The following SLC6A17 variants were observed in gnomAD, a reference collection of about 807,000 sequenced individuals.
SLC6A17 encodes the protein solute carrier family 6 member 17.
A neutral mutation model predicts 64.5 loss-of-function variants in SLC6A17; 21 were observed. That is an observed-to-expected ratio of 0.33 (90% CI 0.23 to 0.47). The LOEUF is 0.47. Ranked by LOEUF, SLC6A17 falls within the 20% of genes least tolerant of loss-of-function variation. The probability of loss-of-function intolerance (pLI) is 1.00; values close to 1 mark genes in which losing one functional copy is unlikely to be tolerated. For synonymous variants in SLC6A17, 372 were observed against 399.5 expected, an observed-to-expected ratio of 0.93 and a Z score of 0.82; for missense variants, 682 against 963.2, an observed-to-expected ratio of 0.71 and a Z score of 3.86.
At chr1:110,198,011 G>T (rs1657015896) in intron 11 of SLC6A17, 65 bp from the exon 12 acceptor site, 1 of 1,549,664 alleles carries the variant, frequency 6.5e-7, no homozygotes, top group Admixed American at 1.8e-5. Context: ...GAGCAGTCTT[G>T]GAGGGCCTGG....
At chr1:110,190,703 A>T (rs1184477043) in intron 6 of SLC6A17, among the ~76,000 whole-genome samples, 1 of 152,150 alleles carries the variant, frequency 6.6e-6, no homozygotes, top group East Asian at 1.9e-4. Flanking sequence ...GAACTCTCTG[A>T]ATTGGCTCCT....
chr1:110,174,980 C>A lies in SLC6A17; in HGVS notation c.753+20C>A. 6.2e-7 allele frequency: 1 copy of A among 1,605,810 alleles called. No individual in the cohort carries two copies. Among genetic ancestry groups the A allele is most frequent in the Non-Finnish European group, 8.5e-7 (1 of 1,174,750 alleles). ...GGGAAGGTGAGTGCTGAGGGGGGCACCCAGGACCCAAATGGGGAACAGCAG... is the reference window on the plus strand; with the variant it reads ...GGGAAGGTGAGTGCTGAGGGGGGCAACCAGGACCCAAATGGGGAACAGCAG... On this transcript the variant is annotated intron_variant, in intron 5 of 11. Coordinates refer to ENST00000331565, the MANE Select transcript of SLC6A17 (RefSeq NM_001010898.4).
chr1:110,155,536 A>G (rs2361041), intron 1 of SLC6A17, among the ~76,000 whole-genome samples: 52,256 of 152,080 alleles, frequency 0.34, 11,013 homozygotes, highest in Non-Finnish European at 0.47. Flanking sequence ...TGTCCAGTCT[A>G]TGTCCTCTTG....
At position 110,201,221 on chromosome 1, in the gene SLC6A17, AG is replaced by A. The variant is rs890932364; in HGVS notation, c.*2780del. 3.3e-5 allele frequency: 5 copies of A among 152,270 alleles called. No homozygotes were observed. The highest frequency in any genetic ancestry group is 1.2e-4 in the African/African-American group (5 of 41,546). 9.4% of individuals were successfully genotyped at this position (152,270 alleles called of 1,614,324 possible). On this transcript the variant is annotated 3_prime_UTR_variant, in exon 12 of 12. Transcript: ENST00000331565. ...GACGCAGTCCTGACAGTGTTTGAAA[AG>A]GGCCGCCTGCCCCCTCCCCACTGTG...
At chr1:110,164,031 C>T (rs1655985342) in intron 1 of SLC6A17, among the ~76,000 whole-genome samples, 1 of 151,964 alleles carries the variant, frequency 6.6e-6, no homozygotes, top group Non-Finnish European at 1.5e-5. Context: ...CTGGCCATTA[C>T]ATTATCCATC....
intron 1 of SLC6A17, among the ~76,000 whole-genome samples, chr1:110,155,899 G>A (rs1399994683): frequency 6.6e-6 from 1 of 152,180 alleles, no homozygotes; most frequent in Non-Finnish European, 1.5e-5. Flanking sequence ...GCTCTAAATG[G>A]AGCAGAAGCA....
At chr1:110,172,452 C>T (rs541917237) in intron 3 of SLC6A17, 315 of 549,046 alleles carry the variant, frequency 5.7e-4, no homozygotes, top group Non-Finnish European at 8.2e-4. Context: ...GCCATTGGTG[C>T]TAAGGAGGAA....
rs547807147 is a variant in SLC6A17 at position 110,157,586 on chromosome 1, A to C, written c.-88+6703A>C. On this transcript the variant is annotated intron_variant, in intron 1 of 11. Coordinates refer to ENST00000331565, the MANE Select transcript of SLC6A17 (RefSeq NM_001010898.4). Reference sequence around the variant, plus strand: ...AGACTCCATCTCAAAAAAATAAATAAATAAAAATAAAATAAAATAAAAATA... The same window carrying C: ...AGACTCCATCTCAAAAAAATAAATACATAAAAATAAAATAAAATAAAAATA... 6.6e-5 allele frequency among the ~76,000 whole-genome samples: 10 copies of C among 152,178 alleles called. No individual in the cohort carries two copies. In the South Asian group the frequency reaches 1.9e-3, roughly 28 times the overall value.
intron 1 of SLC6A17, among the ~76,000 whole-genome samples, chr1:110,163,212 G>C (rs1655964774): frequency 6.6e-6 from 1 of 151,978 alleles, no homozygotes; most frequent in Non-Finnish European, 1.5e-5. Flanking sequence ...CTGGGGTGTG[G>C]TGCATGGTAG....
At chr1:110,156,995 T>C (rs1655777545) in intron 1 of SLC6A17, among the ~76,000 whole-genome samples, 1 of 152,158 alleles carries the variant, frequency 6.6e-6, no homozygotes, top group African/African-American at 2.4e-5. Context: ...CCCATGGTGG[T>C]CCCCCCATGA....
intron 10 of SLC6A17, among the ~76,000 whole-genome samples, chr1:110,197,230 G>C (rs1656993040): frequency 6.6e-6 from 1 of 152,222 alleles, no homozygotes. Flanking sequence ...GGTATGATGT[G>C]ACGGAATCAG....
chr1:110,150,722 C>A lies in SLC6A17; in HGVS notation c.-249C>A, dbSNP rs1347766285. On this transcript the variant is annotated 5_prime_UTR_variant, in exon 1 of 12. Coordinates refer to ENST00000331565, the MANE Select transcript of SLC6A17 (RefSeq NM_001010898.4). ...TGGTGGTGAGGCAGGGAGTGAGGAGCGAGCGGAGTCGCGTGCGCCGGCGCG... is the reference window on the plus strand; with the variant it reads ...TGGTGGTGAGGCAGGGAGTGAGGAGAGAGCGGAGTCGCGTGCGCCGGCGCG... 2 of 152,176 alleles carry A rather than the reference C, an allele frequency of 1.3e-5. No individual in the cohort carries two copies. Among genetic ancestry groups the A allele is most frequent in the African/African-American group, 4.8e-5 (2 of 41,452 alleles). 9.4% of individuals were successfully genotyped at this position (152,176 alleles called of 1,614,324 possible).
intron 1 of SLC6A17, among the ~76,000 whole-genome samples, chr1:110,151,771 T>A (rs1037128075): frequency 6.6e-6 from 1 of 152,158 alleles, no homozygotes; most frequent in African/African-American, 2.4e-5. Context: ...TTAGAAAATA[T>A]TTTTTGATGC....
In SLC6A17 at chr1:110,192,339, C is replaced by G; in HGVS notation, c.1106+126C>G. 1 of 1,473,082 alleles carries G rather than the reference C, an allele frequency of 6.8e-7. No homozygotes were observed. Among genetic ancestry groups the G allele is most frequent in the Non-Finnish European group, 9.2e-7 (1 of 1,087,618 alleles). The allele number at this position is 1,473,082 out of a possible 1,614,324, so 91.3% of individuals were successfully genotyped here. A position where few individuals can be genotyped will look rare whatever the true frequency, so the allele number is the denominator to read the frequency against. The stretch of plus-strand genomic sequence containing the variant: ...TCCACTCAGACTGAGGAATGGAGAT[C>G]AGAGGAGCACTCTCTGTCCCCAGCT... On this transcript the variant is annotated intron_variant, in intron 7 of 11. Transcript: ENST00000331565. The surrounding 1 kb of genome is among the most constrained non-coding windows in gnomAD (Gnocchi z 4.3).
At chr1:110,185,825 G>A (rs1006335451) in intron 6 of SLC6A17, among the ~76,000 whole-genome samples, 9 of 152,176 alleles carry the variant, frequency 5.9e-5, no homozygotes, top group Admixed American at 5.9e-4. Context: ...TGTACTGAAG[G>A]TGCCAGGCTC....
intron 1 of SLC6A17, among the ~76,000 whole-genome samples, chr1:110,154,653 A>C (rs1655706905): frequency 6.6e-6 from 1 of 152,120 alleles, no homozygotes; most frequent in Non-Finnish European, 1.5e-5. Context: ...TCATTCCCTT[A>C]AAATCTGTCT....
chr1:110,187,428 T>C (rs1656714749), intron 6 of SLC6A17, among the ~76,000 whole-genome samples: 1 of 152,202 alleles, frequency 6.6e-6, no homozygotes, highest in African/African-American at 2.4e-5. Context: ...TTGACCACAT[T>C]TGATTGGCCA....
intron 5 of SLC6A17, among the ~76,000 whole-genome samples, chr1:110,175,186 C>G (rs980258004): frequency 1.3e-5 from 2 of 152,210 alleles, no homozygotes; most frequent in Non-Finnish European, 2.9e-5. Flanking sequence ...CAGCTGCTTC[C>G]ATGCTCAGAT....
intron 2 of SLC6A17, among the ~76,000 whole-genome samples, chr1:110,170,627 G>T (rs1422904856): frequency 6.6e-6 from 1 of 152,194 alleles, no homozygotes; most frequent in Admixed American, 6.5e-5. Flanking sequence ...GGCCCTTTGG[G>T]CCCTCTCTCC....
Sources: gnomAD v4.1 joint callset for allele counts (sites outside exome capture counted in the v4.1 genomes callset) on GRCh38, gnomAD v4.1.1 for gene constraint, Gnocchi (gnomAD v3.1) non-coding constraint, MANE v1.5 for transcripts, NCBI Gene and HGNC (gene_info 2026-07-23, HGNC 2026-07-21) for gene names.